Variants in CLIP2 observed in about 807,000 individuals in gnomAD.
CLIP2 encodes CAP-Gly domain containing linker protein 2, also known as CAP-Gly domain-containing linker protein 2.
Under a neutral mutation model 111.7 loss-of-function variants are expected in CLIP2, and 41 were observed. The observed-to-expected ratio is 0.37, with a 90% CI of 0.29 to 0.48. The LOEUF is 0.48. Among genes scored for constraint, CLIP2 ranks in the 20% least tolerant of loss-of-function variants. The pLI is 0.99. For missense variants in CLIP2, 1,160 were observed against 1,422.1 expected (o/e 0.82, Z 2.96); for synonymous variants, 660 against 644.2 (o/e 1.02, Z -0.37).
At chr7:74,306,564 T>C (rs1282930020) in intron 1 of CLIP2, among the ~76,000 whole-genome samples, 1 of 152,140 alleles carries the variant, frequency 6.6e-6, no homozygotes, top group Non-Finnish European at 1.5e-5. Context: ...GGGGCCCTGA[T>C]TGGCAGAGTT....
chr7:74,356,539 G>T lies in CLIP2; in HGVS notation c.933G>T (p.Leu311=). 3 of 1,614,214 alleles carry T rather than the reference G, an allele frequency of 1.9e-6. No individual in the cohort carries two copies. The highest frequency in any genetic ancestry group is 2.5e-6 in the Non-Finnish European group (3 of 1,180,038). ...GTATGGCCATGGGTGTGTCAGCACT[G>T]ACCCACAGTCCCAGCAGTTCCTCCA... ...TKRMAMGVSA[L]THSPSSSSIS... The change falls in exon 5 of 17, where the codon CTG becomes CTT. Residue 311 remains leucine (L), a synonymous_variant. Transcript: ENST00000223398.
At chr7:74,371,243 C>CA (rs781898485) in intron 8 of CLIP2, among the ~76,000 whole-genome samples, 3,548 of 61,268 alleles carry the variant, frequency 0.058, 119 homozygotes, top group Middle Eastern at 0.081. Context: ...AACTATGCCT[C>CA]AAAAAAAAAA....
chr7:74,354,163 C>A (rs988943717), intron 4 of CLIP2, among the ~76,000 whole-genome samples, 159 bp downstream of exon 4: 3 of 152,108 alleles, frequency 2.0e-5, no homozygotes, highest in Non-Finnish European at 4.4e-5. Context: ...GCCCACTAAG[C>A]TGGGTAGTGG....
chr7:74,333,300 C>G (rs1554731610), intron 2 of CLIP2, among the ~76,000 whole-genome samples: 1 of 151,928 alleles, frequency 6.6e-6, no homozygotes, highest in Non-Finnish European at 1.5e-5. Context: ...TCTCCTGCCT[C>G]AGCCTCCCAA....
chr7:74,338,851 G>A lies in CLIP2; in HGVS notation c.525G>A (p.Thr175=), dbSNP rs1554732727. The A allele has an allele frequency of 1.2e-6, 2 of 1,609,736 alleles. No individual in the cohort carries two copies. Among genetic ancestry groups the A allele is most frequent in the East Asian group, 2.2e-5 (1 of 44,870 alleles). Reference sequence around the variant, plus strand: ...AGAACCTGTCATTGCATTCGGGCACGGCCACGCCCCCGCTGACCAGCCGCG... The same window carrying A: ...AGAACCTGTCATTGCATTCGGGCACAGCCACGCCCCCGCTGACCAGCCGCG... ...TAQNLSLHSG[T]ATPPLTSRVI... is the part of the protein sequence containing the mutation. The change falls in exon 3 of 17, where the codon ACG becomes ACA. Residue 175 remains threonine, a synonymous_variant. Transcript: ENST00000223398. The surrounding 1 kb of genome is among the most constrained non-coding windows in gnomAD (Gnocchi z 4.3).
At chr7:74,299,194 C>T (rs1438879565) in intron 1 of CLIP2, among the ~76,000 whole-genome samples, 6 of 151,858 alleles carry the variant, frequency 4.0e-5, no homozygotes, top group Non-Finnish European at 5.9e-5. Context: ...TAGCCAGGTA[C>T]AGTGTCTATA....
rs183613869 is a variant in CLIP2, at chr7:74,341,241, G to A, written c.678+2237G>A. On this transcript the variant is annotated intron_variant, in intron 3 of 16. Coordinates refer to ENST00000223398, the MANE Select transcript of CLIP2 (RefSeq NM_003388.5). ...TCTCACTCTGTTGCCAGGCTGGAGCGCAGTGGTGCGTTCTCGGCTCACTGC... is the reference window on the plus strand; with the variant it reads ...TCTCACTCTGTTGCCAGGCTGGAGCACAGTGGTGCGTTCTCGGCTCACTGC... Among the ~76,000 whole-genome samples the A allele has an allele frequency of 1.2e-4, 19 of 152,220 alleles. No homozygotes were observed. The East Asian group carries it at 3.3e-3, about 26-fold the overall frequency.
At chr7:74,318,707 C>G (rs1554729552) in intron 2 of CLIP2, among the ~76,000 whole-genome samples, 1 of 151,838 alleles carries the variant, frequency 6.6e-6, no homozygotes, top group Non-Finnish European at 1.5e-5. Context: ...GAGTGAAACT[C>G]CATTTAAAAA....
chr7:74,303,703 G>A (rs1345969579), intron 1 of CLIP2, among the ~76,000 whole-genome samples: 2 of 151,248 alleles, frequency 1.3e-5, no homozygotes, highest in African/African-American at 4.9e-5. Flanking sequence ...CCTGAGGTCA[G>A]GAGTTCGAGA....
At chr7:74,306,452 G>T (rs1554727767) in intron 1 of CLIP2, among the ~76,000 whole-genome samples, 1 of 152,176 alleles carries the variant, frequency 6.6e-6, no homozygotes, top group Non-Finnish European at 1.5e-5. Flanking sequence ...CTGCAGGCGT[G>T]CCCGCTTCCT....
intron 6 of CLIP2, 54 bp downstream of exon 6, chr7:74,357,531 C>G: frequency 2.0e-6 from 3 of 1,530,800 alleles, no homozygotes; most frequent in Non-Finnish European, 2.7e-6. Context: ...CTCATAGAGT[C>G]TCACCCACTC....
intron 1 of CLIP2, among the ~76,000 whole-genome samples, chr7:74,296,844 C>T (rs1788184271): frequency 6.6e-6 from 1 of 151,756 alleles, no homozygotes; most frequent in South Asian, 2.1e-4. Flanking sequence ...GATACCTTGG[C>T]CTTGGACTTC....
intron 12 of CLIP2, among the ~76,000 whole-genome samples, chr7:74,388,313 G>T (rs1462616622): frequency 6.6e-6 from 1 of 151,860 alleles, no homozygotes; most frequent in South Asian, 2.1e-4. Context: ...GCCTGGCAGC[G>T]GAGTGAGACT....
chr7:74,346,458 C>T (rs1789798225), intron 3 of CLIP2, among the ~76,000 whole-genome samples: 1 of 152,176 alleles, frequency 6.6e-6, no homozygotes, highest in Non-Finnish European at 1.5e-5. Flanking sequence ...CACAGTGGCT[C>T]ACGCCTATAA....
intron 3 of CLIP2, among the ~76,000 whole-genome samples, chr7:74,348,643 A>G (rs1189192507): frequency 2.0e-5 from 3 of 151,898 alleles, no homozygotes; most frequent in Non-Finnish European, 4.4e-5. Context: ...CAAAAAAATT[A>G]GCCAGGCATG....
intron 16 of CLIP2, among the ~76,000 whole-genome samples, chr7:74,402,865 G>A (rs1791659599): frequency 6.6e-6 from 1 of 151,640 alleles, no homozygotes; most frequent in Non-Finnish European, 1.5e-5. Context: ...TGTCCTCCTG[G>A]CCTTGTTCTC....
intron 2 of CLIP2, among the ~76,000 whole-genome samples, chr7:74,318,059 G>T (rs1192993012): frequency 2.0e-5 from 3 of 151,876 alleles, no homozygotes; most frequent in African/African-American, 7.3e-5. Context: ...TTAGCCAGGC[G>T]TGGTGGCAGG....
intron 11 of CLIP2, chr7:74,381,711 C>T: frequency 2.3e-6 from 1 of 441,518 alleles, no homozygotes; most frequent in Non-Finnish European, 4.5e-6. Flanking sequence ...AACAATGTAT[C>T]TTGGAGAGGG....
At chr7:74,329,968 G>A (rs1464175747) in intron 2 of CLIP2, among the ~76,000 whole-genome samples, 1 of 151,750 alleles carries the variant, frequency 6.6e-6, no homozygotes. Flanking sequence ...TAGTAGAGAC[G>A]GGGTTTCGCC....
Sources: allele counts gnomAD v4.1 joint callset (sites outside exome capture counted in the v4.1 genomes callset), GRCh38; gene constraint gnomAD v4.1.1; non-coding constraint Gnocchi (gnomAD v3.1); transcripts MANE v1.5; gene names NCBI Gene and HGNC (gene_info 2026-07-23, HGNC 2026-07-21).